USH2A: variants seen among roughly 807,000 people sequenced by gnomAD.
The protein encoded by USH2A is usherin.
USH2A carries 443 observed loss-of-function variants against 538.9 expected under a neutral mutation model. The observed-to-expected ratio is 0.82, with a 90% CI of 0.76 to 0.89. USH2A has a LOEUF of 0.89. USH2A is among the 40% of genes least tolerant of loss of function. The probability of loss-of-function intolerance (pLI) is 0.00; values close to 1 mark genes in which losing one functional copy is unlikely to be tolerated. For synonymous variants in USH2A, 2,413 were observed against 2,273.5 expected (o/e 1.06, Z -1.75); for missense variants, 6,633 against 6,324.8 (o/e 1.05, Z -1.65).
intron 59 of USH2A, among the ~76,000 whole-genome samples, chr1:215,741,788 G>A (rs1267863588): frequency 1.3e-5 from 2 of 152,062 alleles, no homozygotes; most frequent in African/African-American, 2.4e-5. Context: ...TGGAAATAAG[G>A]AATAATAAGG....
chr1:216,235,220 C>T (rs187820591), intron 13 of USH2A, among the ~76,000 whole-genome samples: 25 of 152,292 alleles, frequency 1.6e-4, no homozygotes, highest in Admixed American at 3.3e-4. Flanking sequence ...TAACTGACCT[C>T]AATTTACTTT....
chr1:216,280,393 A>G (rs1044511872), intron 11 of USH2A, among the ~76,000 whole-genome samples: 1 of 151,468 alleles, frequency 6.6e-6, no homozygotes, highest in African/African-American at 2.4e-5. Flanking sequence ...TCAAAAATAC[A>G]GACAAAAGAA....
At chr1:216,273,414 G>A (rs1218666477) in intron 11 of USH2A, among the ~76,000 whole-genome samples, 3 of 152,014 alleles carry the variant, frequency 2.0e-5, no homozygotes, top group Non-Finnish European at 4.4e-5. Flanking sequence ...GGATGGGTAA[G>A]GGTGGTTAAA....
At chr1:215,952,727 CAG>C (rs1442860155) in intron 37 of USH2A, among the ~76,000 whole-genome samples, 1 of 152,168 alleles carries the variant, frequency 6.6e-6, no homozygotes, top group Non-Finnish European at 1.5e-5. Flanking sequence ...TTCTGGCTTG[CAG>C]AGTTTCTGCC....
chr1:215,912,476 C>CATATATATATATATGTGT, intron 38 of USH2A, among the ~76,000 whole-genome samples: 1 of 10,912 alleles, frequency 9.2e-5, no homozygotes, highest in African/African-American at 2.7e-4. Context: ...TATATATATA[C>CATATATATATATATGTGT]GTATATATAT....
intron 44 of USH2A, among the ~76,000 whole-genome samples, chr1:215,859,306 G>A (rs1382567864): frequency 9.2e-5 from 14 of 152,040 alleles, no homozygotes; most frequent in East Asian, 1.9e-4. Flanking sequence ...AGGCCGAGGC[G>A]GGAGGATCAC....
chr1:215,969,344 T>G lies in USH2A; in HGVS notation c.6957+1281A>C, dbSNP rs76771853. 5.0e-3 allele frequency among the ~76,000 whole-genome samples: 761 copies of G among 152,234 alleles called. 8 individuals carry two copies. The highest frequency in any genetic ancestry group is 0.018 in the African/African-American group (730 of 41,570). The stretch of plus-strand genomic sequence containing the variant: ...CTATTCCCCCCTTCCTATCAGAGCT[T>G]TGTGGCATTTGATTTCTTAAGGTTA... On this transcript the variant is annotated intron_variant, in intron 36 of 71. Transcript: ENST00000307340.
intron 43 of USH2A, among the ~76,000 whole-genome samples, chr1:215,870,653 C>G (rs558044674): frequency 5.9e-5 from 9 of 152,106 alleles, no homozygotes; most frequent in Non-Finnish European, 1.3e-4. Flanking sequence ...TTCATTTCAT[C>G]TGAATTCCAA....
At chr1:216,326,085 C>G (rs901388086) in intron 5 of USH2A, among the ~76,000 whole-genome samples, 4 of 152,294 alleles carry the variant, frequency 2.6e-5, no homozygotes, top group South Asian at 2.1e-4. Context: ...AGGACTGAGG[C>G]CAAGGCCATT....
intron 3 of USH2A, among the ~76,000 whole-genome samples, chr1:216,385,651 T>A (rs769896563): frequency 6.6e-6 from 1 of 152,210 alleles, no homozygotes; most frequent in African/African-American, 2.4e-5. Flanking sequence ...GCTGTTTTAA[T>A]AAGATCCCTT....
chr1:215,725,592 C>T (rs1043818778), intron 61 of USH2A, among the ~76,000 whole-genome samples: 14 of 152,210 alleles, frequency 9.2e-5, no homozygotes, highest in African/African-American at 1.9e-4. Context: ...ATTCTAAGAG[C>T]CAAAGATTTA....
chr1:216,148,562 G>A (rs1366232169), intron 21 of USH2A, among the ~76,000 whole-genome samples: 1 of 152,112 alleles, frequency 6.6e-6, no homozygotes, highest in East Asian at 1.9e-4. Context: ...TGCTTTGAAA[G>A]GATTAAAGCC....
chr1:215,862,558 T>TATA (rs560149944), intron 44 of USH2A, among the ~76,000 whole-genome samples: 137 of 152,240 alleles, frequency 9.0e-4, no homozygotes, highest in Admixed American at 2.0e-3. Flanking sequence ...GAACTTAAAG[T>TATA]ATAATAATAA....
At chr1:216,057,761 T>C (rs1023619281) in intron 30 of USH2A, among the ~76,000 whole-genome samples, 23 of 152,170 alleles carry the variant, frequency 1.5e-4, no homozygotes, top group Non-Finnish European at 5.9e-5. Flanking sequence ...AAAACTGGCT[T>C]TTATCTTTAA....
intron 11 of USH2A, among the ~76,000 whole-genome samples, chr1:216,255,733 C>T (rs1259046836): frequency 6.6e-6 from 1 of 152,062 alleles, no homozygotes; most frequent in Non-Finnish European, 1.5e-5. Flanking sequence ...CCATAACTGG[C>T]CATTGGGTCA....
intron 9 of USH2A, among the ~76,000 whole-genome samples, chr1:216,311,640 A>G (rs1261466059): frequency 6.6e-6 from 1 of 152,120 alleles, no homozygotes; most frequent in Admixed American, 6.5e-5. Flanking sequence ...TGGAACTGGA[A>G]GTCATGGGGC....
chr1:216,003,421 G>A (rs1408580069), intron 32 of USH2A, among the ~76,000 whole-genome samples: 1 of 152,126 alleles, frequency 6.6e-6, no homozygotes, highest in Non-Finnish European at 1.5e-5. Flanking sequence ...ACAGAACAGA[G>A]GAAGGAGAAT....
chr1:216,289,007 C>T (rs1189152728), intron 11 of USH2A, among the ~76,000 whole-genome samples: 1 of 151,846 alleles, frequency 6.6e-6, no homozygotes, highest in Admixed American at 6.6e-5. Flanking sequence ...AGACATATAC[C>T]CCAATTTACT....
At chr1:215,665,407 C>G (rs1286178187) in intron 64 of USH2A, among the ~76,000 whole-genome samples, 1 of 152,190 alleles carries the variant, frequency 6.6e-6, no homozygotes, top group Non-Finnish European at 1.5e-5. Flanking sequence ...CCGCAAAAAT[C>G]TGTCAAAGTG....
Sources: allele counts gnomAD v4.1 joint callset (sites outside exome capture counted in the v4.1 genomes callset), GRCh38; gene constraint gnomAD v4.1.1; transcripts MANE v1.5; gene names NCBI Gene and HGNC (gene_info 2026-07-23, HGNC 2026-07-21).